ALK: variants seen among roughly 807,000 people sequenced by gnomAD.
ALK encodes the protein ALK tyrosine kinase receptor.
A neutral mutation model predicts 163.1 loss-of-function variants in ALK; 74 were observed. The observed-to-expected ratio is 0.45, with a 90% CI of 0.38 to 0.55. The LOEUF is 0.55. ALK is among the 20% of genes least tolerant of loss of function. The pLI is 0.00. For missense variants in ALK, 2,063 were observed against 2,105.3 expected, an observed-to-expected ratio of 0.98 and a Z score of 0.39; for synonymous variants, 960 against 843.2, an observed-to-expected ratio of 1.14 and a Z score of -2.40.
rs372472978 is a variant in ALK at position 29,328,481 on chromosome 2, C to A, written c.1283G>T (p.Gly428Val). The A allele has an allele frequency of 6.2e-7, 1 of 1,614,054 alleles. No individual in the cohort carries two copies. Among genetic ancestry groups the A allele is most frequent in the African/African-American group, 1.3e-5 (1 of 74,940 alleles). Residue 428 changes from glycine to valine, a missense_variant and splice_region_variant, in exon 6 of 29, where the codon GGA becomes GTA. Coordinates refer to ENST00000389048, the MANE Select transcript of ALK (RefSeq NM_004304.5). The stretch of plus-strand genomic sequence containing the variant: ...GGCCATCTTGGAGCCTGGGGATGTT[C>A]CTGGAGAGCACACAGACACACAACC... ...DFFALKNCSE[G>V]TSPGSKMALQ...
chr2:29,394,694 G>A (rs1375500287), intron 4 of ALK, among the ~76,000 whole-genome samples: 1 of 152,128 alleles, frequency 6.6e-6, no homozygotes, highest in Non-Finnish European at 1.5e-5. Context: ...AGAGTCCCAG[G>A]TGATCATTTT....
At chr2:29,377,594 C>T (rs779322609) in intron 5 of ALK, among the ~76,000 whole-genome samples, 9 of 151,964 alleles carry the variant, frequency 5.9e-5, no homozygotes, top group Admixed American at 3.9e-4. Context: ...GGGTTCTAGG[C>T]GCCCCCAAAG....
At chr2:29,646,401 G>A (rs1311180823) in intron 3 of ALK, among the ~76,000 whole-genome samples, 1 of 152,134 alleles carries the variant, frequency 6.6e-6, no homozygotes, top group Non-Finnish European at 1.5e-5. Flanking sequence ...TTCAGCCCTT[G>A]TTTCACTATA....
In ALK at chr2:29,309,000, G is replaced by A. The variant is rs116600196; in HGVS notation, c.1647+9304C>T. On this transcript the variant is annotated intron_variant, in intron 8 of 28. Transcript: ENST00000389048. The stretch of plus-strand genomic sequence containing the variant: ...AGATGGTATTTTCTTCAGTCACACT[G>A]TCATGGTGTGATCCTGGGCAAACGG... Among the ~76,000 whole-genome samples the A allele has an allele frequency of 2.5e-3, 377 of 152,146 alleles. 1 individual carries two copies. The highest frequency in any genetic ancestry group is 8.8e-3 in the African/African-American group (367 of 41,502).
At chr2:29,796,996 ACACC>A (rs1023773191) in intron 1 of ALK, among the ~76,000 whole-genome samples, 3 of 136,488 alleles carry the variant, frequency 2.2e-5, no homozygotes, top group Non-Finnish European at 4.8e-5. Context: ...ATATGCACGC[ACACC>A]CACACACACA....
chr2:29,326,794 C>A (rs190406658), intron 6 of ALK, among the ~76,000 whole-genome samples: 2 of 152,282 alleles, frequency 1.3e-5, no homozygotes, highest in African/African-American at 4.8e-5. Context: ...CCTTCTCCAC[C>A]CCCCACAAAG....
intron 3 of ALK, among the ~76,000 whole-genome samples, chr2:29,579,261 T>C (rs911851072): frequency 3.3e-5 from 5 of 152,228 alleles, no homozygotes; most frequent in African/African-American, 1.2e-4. Context: ...GGTTTATGCC[T>C]AAGTTCCGTT....
intron 3 of ALK, among the ~76,000 whole-genome samples, chr2:29,641,966 A>G (rs1302784223): frequency 2.6e-5 from 4 of 152,184 alleles, no homozygotes; most frequent in Admixed American, 2.0e-4. Context: ...AAACTTATCA[A>G]AAATTCACCT....
chr2:29,208,096 T>C (rs1669363071), intron 25 of ALK: 1 of 452,720 alleles, frequency 2.2e-6, no homozygotes, highest in Non-Finnish European at 4.5e-6. Flanking sequence ...CCCAAGGATA[T>C]TGTTTAGTGG....
intron 3 of ALK, among the ~76,000 whole-genome samples, chr2:29,657,022 C>T (rs1677204497): frequency 1.3e-5 from 2 of 152,126 alleles, no homozygotes; most frequent in Admixed American, 1.3e-4. Flanking sequence ...GGCATCAGTT[C>T]AGGTAAGCTG....
intron 3 of ALK, among the ~76,000 whole-genome samples, chr2:29,640,990 T>C (rs560649001): frequency 2.6e-5 from 4 of 152,092 alleles, no homozygotes; most frequent in Non-Finnish European, 4.4e-5. Flanking sequence ...TTCCAGAAAC[T>C]GGAGATGTCG....
chr2:29,385,094 C>T (rs1668999183), intron 4 of ALK, among the ~76,000 whole-genome samples: 2 of 148,224 alleles, frequency 1.3e-5, no homozygotes. Context: ...ATTTATACAT[C>T]TATGAAATCA....
chr2:29,910,203 G>T (rs1161108321), intron 1 of ALK, among the ~76,000 whole-genome samples: 1 of 152,044 alleles, frequency 6.6e-6, no homozygotes, highest in African/African-American at 2.4e-5. Context: ...TTCTAGAGCT[G>T]AAAATCAATA....
At chr2:29,843,941 CTTAA>C (rs1459795995) in intron 1 of ALK, among the ~76,000 whole-genome samples, 3 of 152,066 alleles carry the variant, frequency 2.0e-5, no homozygotes, top group African/African-American at 7.3e-5. Flanking sequence ...GAAGCCAGGC[CTTAA>C]TTAATTAATC....
chr2:29,485,144 T>C (rs1671750419), intron 4 of ALK, among the ~76,000 whole-genome samples: 1 of 152,194 alleles, frequency 6.6e-6, no homozygotes, highest in East Asian at 1.9e-4. Flanking sequence ...TCCAATCTCC[T>C]CTTCTGATGC....
chr2:29,748,856 G>C (rs528191323), intron 1 of ALK, among the ~76,000 whole-genome samples: 2 of 151,700 alleles, frequency 1.3e-5, no homozygotes, highest in Non-Finnish European at 2.9e-5. Flanking sequence ...AGCGATTCTC[G>C]TGCCTCAGCC....
chr2:29,849,663 T>C (rs540413462), intron 1 of ALK, among the ~76,000 whole-genome samples: 1 of 152,296 alleles, frequency 6.6e-6, no homozygotes, highest in East Asian at 1.9e-4. Flanking sequence ...ACAAGATACA[T>C]TTCCTGCCCT....
chr2:29,527,189 T>C (rs1467218847), intron 4 of ALK, among the ~76,000 whole-genome samples: 1 of 152,212 alleles, frequency 6.6e-6, no homozygotes, highest in Non-Finnish European at 1.5e-5. Flanking sequence ...GAATCAGGAT[T>C]GAAACCATAC....
chr2:29,639,461 A>T (rs1349786634), intron 3 of ALK, among the ~76,000 whole-genome samples: 1 of 152,136 alleles, frequency 6.6e-6, no homozygotes, highest in Non-Finnish European at 1.5e-5. Context: ...TCTTTCATAT[A>T]TCTCCTTGCC....
Sources: gnomAD v4.1 joint callset for allele counts (sites outside exome capture counted in the v4.1 genomes callset) on GRCh38, gnomAD v4.1.1 for gene constraint, MANE v1.5 for transcripts, NCBI Gene and HGNC (gene_info 2026-07-23, HGNC 2026-07-21) for gene names.